ABAT: variants seen among roughly 807,000 people sequenced by gnomAD.
The protein encoded by ABAT is 4-aminobutyrate aminotransferase, mitochondrial.
In ABAT, 45 loss-of-function variants were observed where a neutral mutation model predicts 64.6. The ratio of observed to expected loss-of-function variants is 0.70; its 90% CI spans 0.55 to 0.89. The LOEUF (loss-of-function observed/expected upper bound fraction) is 0.89. Ranked by LOEUF, ABAT falls within the 40% of genes least tolerant of loss-of-function variation. The pLI is 0.00. For synonymous variants in ABAT, 297 were observed against 250.5 expected (o/e 1.19, Z -1.75); for missense variants, 633 against 658.4 (o/e 0.96, Z 0.42).
chr16:8,755,686 G>A (rs1269467369), intron 5 of ABAT, among the ~76,000 whole-genome samples: 1 of 152,134 alleles, frequency 6.6e-6, no homozygotes, highest in African/African-American at 2.4e-5. Flanking sequence ...CGAGGTGGGT[G>A]GATCACTTGA....
chr16:8,731,668 CAG>C (rs1459338064), intron 1 of ABAT: 3 of 151,352 alleles, frequency 2.0e-5, no homozygotes, highest in Admixed American at 6.6e-5. Flanking sequence ...AAAAATCACA[CAG>C]ATAACATAAA....
chr16:8,738,414 T>G lies in ABAT; in HGVS notation c.70+2605T>G, dbSNP rs181388433. 668 of 455,876 alleles carry G rather than the reference T, an allele frequency of 1.5e-3. 2 individuals are homozygous for G. Among genetic ancestry groups the G allele is most frequent in the Admixed American group, 2.9e-3 (122 of 42,566 alleles). The allele number at this position is 455,876 out of a possible 1,614,324, so 28.2% of individuals were successfully genotyped here. ...AGACTTTTATTTGGCTTTCACTCAT[T>G]TTTCCTTTAATGTCTTTTTCTGCTC... is the stretch of plus-strand genomic sequence containing the variant. On this transcript the variant is annotated intron_variant, in intron 2 of 15. Coordinates refer to ENST00000268251, the MANE Select transcript of ABAT (RefSeq NM_020686.6).
chr16:8,724,746 C>CAAAAAAAAAAAAA (rs869130725), intron 1 of ABAT, among the ~76,000 whole-genome samples: 1 of 6,564 alleles, frequency 1.5e-4, no homozygotes, highest in African/African-American at 4.5e-4. Context: ...AAAAAAAAAA[C>CAAAAAAAAAAAAA]AAAAAAAAAA....
intron 1 of ABAT, among the ~76,000 whole-genome samples, chr16:8,704,194 T>C (rs749636884): frequency 1.3e-5 from 2 of 152,274 alleles, no homozygotes; most frequent in Non-Finnish European, 2.9e-5. Flanking sequence ...ACTGGTTCAA[T>C]GCTAGAAAGC....
intron 6 of ABAT, among the ~76,000 whole-genome samples, chr16:8,762,704 G>C (rs1028506523): frequency 1.3e-5 from 2 of 152,164 alleles, no homozygotes; most frequent in African/African-American, 4.8e-5. Flanking sequence ...CCTTCTGGGA[G>C]CCATTTCCCT....
In ABAT at chr16:8,774,953, G is replaced by A. The variant is rs2060223213; in HGVS notation, c.1018G>A (p.Ala340Thr). 2.5e-6 allele frequency: 4 copies of A among 1,614,080 alleles called. No individual in the cohort carries two copies. Among genetic ancestry groups the A allele is most frequent in the Non-Finnish European group, 3.4e-6 (4 of 1,180,046 alleles). ...AGGAGGCTGCACGGGCAAGTTCTGGGCCCATGAGCACTGGGGCCTGGATGA... is the reference window on the plus strand; with the variant it reads ...AGGAGGCTGCACGGGCAAGTTCTGGACCCATGAGCACTGGGGCCTGGATGA... ...TGGGCTGKFWAHEHWGLDDPA... is the reference protein window; with the variant it reads ...TGGGCTGKFWTHEHWGLDDPA... Residue 340 changes from alanine to threonine, a missense_variant, in exon 13 of 16, where the codon GCC becomes ACC. Ala to Thr is a moderately conservative substitution (Grantham distance 58). Coordinates refer to ENST00000268251, the MANE Select transcript of ABAT (RefSeq NM_020686.6).
chr16:8,714,812 C>T (rs2058166347), intron 1 of ABAT: 1 of 152,434 alleles, frequency 6.6e-6, no homozygotes, highest in Non-Finnish European at 1.5e-5. Flanking sequence ...GGACTGGCCT[C>T]AGGGAGTTTC....
chr16:8,735,523 G>A (rs557920120), intron 1 of ABAT, among the ~76,000 whole-genome samples, 176 bp from the exon 2 acceptor site: 2 of 152,314 alleles, frequency 1.3e-5, no homozygotes, highest in South Asian at 4.1e-4. Flanking sequence ...TGAGATGACA[G>A]GTGTGAGCCA....
chr16:8,738,974 G>C (rs941138565), intron 2 of ABAT, among the ~76,000 whole-genome samples: 1 of 152,172 alleles, frequency 6.6e-6, no homozygotes, highest in African/African-American at 2.4e-5. Context: ...TTATTTATAA[G>C]AGAAGCATAT....
chr16:8,723,219 T>G (rs961534260), intron 1 of ABAT, among the ~76,000 whole-genome samples: 11 of 151,758 alleles, frequency 7.2e-5, no homozygotes, highest in African/African-American at 2.7e-4. Flanking sequence ...GGTGACAGAG[T>G]AAGATCGTGT....
intron 1 of ABAT, among the ~76,000 whole-genome samples, chr16:8,682,305 C>T (rs1359454510): frequency 6.6e-6 from 1 of 151,332 alleles, no homozygotes; most frequent in Non-Finnish European, 1.5e-5. Flanking sequence ...ACAGACACAA[C>T]CCCTTTGTTG....
chr16:8,737,886 C>T (rs2058997727), intron 2 of ABAT, among the ~76,000 whole-genome samples: 1 of 139,966 alleles, frequency 7.1e-6, no homozygotes, highest in African/African-American at 2.7e-5. Flanking sequence ...TGAGATTGAG[C>T]CACTGTACTT....
At chr16:8,680,537 C>G (rs1441688642) in intron 1 of ABAT, among the ~76,000 whole-genome samples, 7 of 151,868 alleles carry the variant, frequency 4.6e-5, no homozygotes, top group Non-Finnish European at 8.8e-5. Context: ...GCAATTCTGA[C>G]TCAGCCTCCC....
intron 1 of ABAT, among the ~76,000 whole-genome samples, chr16:8,691,849 C>T (rs1269440805): frequency 2.0e-5 from 3 of 152,184 alleles, no homozygotes; most frequent in African/African-American, 7.2e-5. Context: ...TTCTGCTAAC[C>T]ATTCTAACTC....
chr16:8,710,727 A>AAAGGGAGG (rs2058050751), intron 1 of ABAT, among the ~76,000 whole-genome samples: 1 of 103,698 alleles, frequency 9.6e-6, no homozygotes, highest in African/African-American at 3.1e-5. Context: ...AGAGAGAGAG[A>AAAGGGAGG]GAGGAAATAG....
At chr16:8,754,710 C>T (rs865876930) in intron 5 of ABAT, among the ~76,000 whole-genome samples, 7 of 66,276 alleles carry the variant, frequency 1.1e-4, no homozygotes, top group African/African-American at 3.6e-4. Flanking sequence ...TTCTTTCTTT[C>T]TTTCTTTCTT....
At chr16:8,746,873 C>A (rs1196986972) in intron 3 of ABAT, among the ~76,000 whole-genome samples, 1 of 152,140 alleles carries the variant, frequency 6.6e-6, no homozygotes, top group Admixed American at 6.5e-5. Flanking sequence ...GTTGGGTAGA[C>A]AGCTCTGTTG....
At chr16:8,709,226 T>C in intron 1 of ABAT, among the ~76,000 whole-genome samples, 1 of 132,150 alleles carries the variant, frequency 7.6e-6, no homozygotes, top group South Asian at 2.8e-4. Flanking sequence ...TATTTTTTAA[T>C]GTATTATTTA....
chr16:8,721,544 G>C (rs978803343), intron 1 of ABAT, among the ~76,000 whole-genome samples: 2 of 152,150 alleles, frequency 1.3e-5, no homozygotes, highest in Non-Finnish European at 2.9e-5. Flanking sequence ...TGAGCTCTAA[G>C]ACCTTGAACA....
Sources: gnomAD v4.1 joint callset for allele counts (sites outside exome capture counted in the v4.1 genomes callset) on GRCh38, gnomAD v4.1.1 for gene constraint, MANE v1.5 for transcripts, NCBI Gene and HGNC (gene_info 2026-07-23, HGNC 2026-07-21) for gene names.